The following THG1L variants were observed in gnomAD, a reference collection of about 807,000 sequenced individuals.
THG1L encodes the protein probable tRNA(His) guanylyltransferase.
THG1L carries 27 observed loss-of-function variants against 35.2 expected under a neutral mutation model. That is an observed-to-expected ratio of 0.77 (90% CI 0.57 to 1.06). THG1L has a LOEUF of 1.06. Among genes scored for constraint, THG1L ranks in the 50% least tolerant of loss-of-function variants. The pLI is 0.00. For missense variants in THG1L, 377 were observed against 371.8 expected (o/e 1.01, Z -0.12); for synonymous variants, 135 against 132.4 (o/e 1.02, Z -0.14).
chr5:157,733,937 A>G (rs1186556835), intron 2 of THG1L, among the ~76,000 whole-genome samples: 1 of 152,074 alleles, frequency 6.6e-6, no homozygotes, highest in East Asian at 1.9e-4. Context: ...GTGCCAATCC[A>G]CCCCAGCCTG....
At chr5:157,731,919 A>G (rs1355035817) in intron 1 of THG1L, among the ~76,000 whole-genome samples, 2 of 152,224 alleles carry the variant, frequency 1.3e-5, no homozygotes, top group Admixed American at 6.5e-5. Context: ...TGTTGTTAAA[A>G]GTCACTCTCA....
rs373738933 is a variant in THG1L, at chr5:157,731,430, C to A, written c.-11C>A. The A allele has an allele frequency of 7.5e-5, 118 of 1,577,642 alleles. No individual in the cohort carries two copies. In the African/African-American group the frequency reaches 1.5e-3, roughly 20 times the overall value. Reference sequence around the variant, plus strand: ...GCGGGGCTATCTGGCCCTTTCCTTTCCGCGTGTAGAATGTGGGGCGCCTGT... The same window carrying A: ...GCGGGGCTATCTGGCCCTTTCCTTTACGCGTGTAGAATGTGGGGCGCCTGT... On this transcript the variant is annotated 5_prime_UTR_variant, in exon 1 of 6. Coordinates refer to ENST00000231198, the MANE Select transcript of THG1L (RefSeq NM_017872.5).
At chr5:157,732,355 G>A (rs1318643711) in intron 1 of THG1L, among the ~76,000 whole-genome samples, 4 of 152,060 alleles carry the variant, frequency 2.6e-5, no homozygotes, top group South Asian at 2.1e-4. Flanking sequence ...AGGCTGAGGT[G>A]GAAGGATCGC....
intron 1 of THG1L, among the ~76,000 whole-genome samples, 185 bp downstream of exon 1, chr5:157,731,816 T>G (rs189808735): frequency 5.3e-5 from 8 of 152,334 alleles, no homozygotes; most frequent in South Asian, 2.1e-4. Flanking sequence ...GAACGCTGGC[T>G]GTTAGCGTAA....
chr5:157,734,820 T>C (rs552957534), intron 3 of THG1L, 75 bp downstream of exon 3: 884 of 1,542,778 alleles, frequency 5.7e-4, no homozygotes, highest in Non-Finnish European at 7.6e-4. Context: ...TGATACAGGA[T>C]TGGCTCACAT....
At chr5:157,732,430 A>G (rs1197235728) in intron 1 of THG1L, among the ~76,000 whole-genome samples, 2 of 152,112 alleles carry the variant, frequency 1.3e-5, no homozygotes, top group African/African-American at 4.8e-5. Flanking sequence ...CTTGGGTGAC[A>G]GAGCAAGACC....
In THG1L at chr5:157,740,221, G is replaced by C. The variant is rs1224769314; in HGVS notation, c.*739G>C. The C allele has an allele frequency of 6.6e-6, 1 of 152,214 alleles. No individual in the cohort carries two copies. The highest frequency in any genetic ancestry group is 1.5e-5 in the Non-Finnish European group (1 of 68,040). 9.4% of individuals were successfully genotyped at this position (152,214 alleles called of 1,614,324 possible). ...ATATATGAGAGAAAGAAACAAGAAT[G>C]CGTGAATGAGGATGAAGAAACATTT... On this transcript the variant is annotated 3_prime_UTR_variant, in exon 6 of 6. Coordinates refer to ENST00000231198, the MANE Select transcript of THG1L (RefSeq NM_017872.5).
At chr5:157,738,936 G>A (rs1760957335) in intron 5 of THG1L, among the ~76,000 whole-genome samples, 1 of 150,628 alleles carries the variant, frequency 6.6e-6, no homozygotes. Flanking sequence ...GGGATTTCCA[G>A]CTAATTTTTG....
Position 157,732,868 on chromosome 5 carries a change from G to C in THG1L, c.192G>C (p.Arg64=), listed in dbSNP as rs375270030. 2.5e-6 allele frequency: 4 copies of C among 1,613,950 alleles called. No individual in the cohort carries two copies. The African/African-American group carries it at 5.3e-5, about 22-fold the overall frequency. ...TTTCTTCCCTTTTTCCCCTGTGAAG[G>C]TTTGCTGAGAAGCACAACTTTGCAA... ...VVRLDGRNFH[R]FAEKHNFAKP... The change falls in exon 2 of 6, where the codon CGG becomes CGC. Residue 64 remains arginine (R), a splice_region_variant and synonymous_variant. Transcript: ENST00000231198.
chr5:157,731,435 T>A lies in THG1L; in HGVS notation c.-6T>A, dbSNP rs1760709992. ...GCTATCTGGCCCTTTCCTTTCCGCG[T>A]GTAGAATGTGGGGCGCCTGTAAAGT... On this transcript the variant is annotated 5_prime_UTR_variant, in exon 1 of 6. Transcript: ENST00000231198. 6.3e-7 allele frequency: 1 copy of A among 1,581,964 alleles called. No homozygotes were observed. Among genetic ancestry groups the A allele is most frequent in the East Asian group, 2.3e-5 (1 of 44,164 alleles).
rs903832163 is a variant in THG1L, at chr5:157,731,707, C to T, written c.191+76C>T. Reference sequence around the variant, plus strand: ...TCCAGCTTCTTCCCTTGCAAGTCCTCCCGCCCGCTCCAGTCACGGTTACCA... The same window carrying T: ...TCCAGCTTCTTCCCTTGCAAGTCCTTCCGCCCGCTCCAGTCACGGTTACCA... On this transcript the variant is annotated intron_variant, in intron 1 of 5. Coordinates refer to ENST00000231198, the MANE Select transcript of THG1L (RefSeq NM_017872.5). The T allele has an allele frequency of 7.3e-6, 11 of 1,506,470 alleles. No homozygotes were observed. The South Asian group carries it at 7.8e-5, about 11-fold the overall frequency. 93.3% of individuals were successfully genotyped at this position (1,506,470 alleles called of 1,614,324 possible).
chr5:157,731,424 T>A lies in THG1L; in HGVS notation c.-17T>A. 1 of 1,572,772 alleles carries A rather than the reference T, an allele frequency of 6.4e-7. No individual in the cohort carries two copies. The highest frequency in any genetic ancestry group is 1.3e-5 in the African/African-American group (1 of 74,268). ...TCCGGGGCGGGGCTATCTGGCCCTT[T>A]CCTTTCCGCGTGTAGAATGTGGGGC... On this transcript the variant is annotated 5_prime_UTR_variant, in exon 1 of 6. Coordinates refer to ENST00000231198, the MANE Select transcript of THG1L (RefSeq NM_017872.5).
At chr5:157,732,052 T>A in intron 1 of THG1L, among the ~76,000 whole-genome samples, 1 of 151,962 alleles carries the variant, frequency 6.6e-6, no homozygotes, top group East Asian at 1.9e-4. Context: ...TGTGCTTCAT[T>A]ATCAGTAACA....
In THG1L at chr5:157,731,618, C is replaced by T; in HGVS notation, c.178C>T (p.Arg60Trp). The stretch of plus-strand genomic sequence containing the variant: ...CTGGGTGGTAGTGCGGCTGGACGGC[C>T]GGAATTTCCATCGGTGAGCGAGCTC... ...HCWVVVRLDG[R>W]NFHRFAEKHN... Residue 60 changes from arginine (R) to tryptophan (W), a missense_variant, in exon 1 of 6, where the codon CGG (arginine) becomes TGG (tryptophan). Transcript: ENST00000231198. The T allele has an allele frequency of 6.3e-7, 1 of 1,594,490 alleles. No homozygotes were observed. Among genetic ancestry groups the T allele is most frequent in the Non-Finnish European group, 8.6e-7 (1 of 1,168,744 alleles).
chr5:157,732,061 C>A (rs1007734851), intron 1 of THG1L, among the ~76,000 whole-genome samples: 2 of 151,916 alleles, frequency 1.3e-5, no homozygotes, highest in Non-Finnish European at 1.5e-5. Flanking sequence ...TTATCAGTAA[C>A]AGGCCACATG....
At chr5:157,739,187 TTATATC>T in intron 5 of THG1L, 128 bp from the exon 6 acceptor site, 2 of 682,474 alleles carry the variant, frequency 2.9e-6, no homozygotes, top group Non-Finnish European at 4.9e-6. Flanking sequence ...ATACACATAT[TTATATC>T]TATATATATC....
Position 157,735,732 on chromosome 5 carries a change from T to C in THG1L, c.539-114T>C, listed in dbSNP as rs563228024. The C allele has an allele frequency of 9.8e-4, 681 of 696,530 alleles. 4 individuals are homozygous for C. Among genetic ancestry groups the C allele is most frequent in the Middle Eastern group, 5.0e-3 (12 of 2,386 alleles). The allele number at this position is 696,530 out of a possible 1,614,324, so 43.1% of individuals were successfully genotyped here. A position where few individuals can be genotyped will look rare whatever the true frequency, so the allele number is the denominator to read the frequency against. On this transcript the variant is annotated intron_variant, in intron 3 of 5. Transcript: ENST00000231198. ...CTTCGGTCAAGTCACTGAATGTCTCTGAGATCTCTTTACTATGAAAGAGGA... is the reference window on the plus strand; with the variant it reads ...CTTCGGTCAAGTCACTGAATGTCTCCGAGATCTCTTTACTATGAAAGAGGA...
rs1760995199 is a variant in THG1L at position 157,740,115 on chromosome 5, C to T, written c.*633C>T. ...CTGTGGATTGATTTAATGGAGTTGTCAGCATGATCATCATCTTCTAGCCAG... is the reference window on the plus strand; with the variant it reads ...CTGTGGATTGATTTAATGGAGTTGTTAGCATGATCATCATCTTCTAGCCAG... On this transcript the variant is annotated 3_prime_UTR_variant, in exon 6 of 6. Transcript: ENST00000231198. 6.6e-6 allele frequency: 1 copy of T among 152,154 alleles called. No individual in the cohort carries two copies. Among genetic ancestry groups the T allele is most frequent in the Non-Finnish European group, 1.5e-5 (1 of 68,038 alleles). 9.4% of individuals were successfully genotyped at this position (152,154 alleles called of 1,614,324 possible).
chr5:157,732,298 A>C (rs56218375), intron 1 of THG1L, among the ~76,000 whole-genome samples: 11,278 of 147,596 alleles, frequency 0.076, 713 homozygotes, highest in African/African-American at 0.17. Context: ...GAAAAAATTT[A>C]ATTTGCCCGG....
Sources: allele counts gnomAD v4.1 joint callset (sites outside exome capture counted in the v4.1 genomes callset), GRCh38; gene constraint gnomAD v4.1.1; transcripts MANE v1.5; gene names NCBI Gene and HGNC (gene_info 2026-07-23, HGNC 2026-07-21).